SEMA3A: variants seen among roughly 807,000 people sequenced by gnomAD.
The protein encoded by SEMA3A is semaphorin 3A.
A neutral mutation model predicts 97.9 loss-of-function variants in SEMA3A; 29 were observed. That is an observed-to-expected ratio of 0.30 (90% confidence interval 0.22 to 0.40). The LOEUF is 0.40. SEMA3A is among the 10% of genes least tolerant of loss of function. The pLI is 1.00. For synonymous variants in SEMA3A, 321 were observed against 323.7 expected (o/e 0.99, Z 0.09); for missense variants, 763 against 951.3 (o/e 0.80, Z 2.60).
In SEMA3A at chr7:84,190,930, T is replaced by A. The variant is rs1798018647; in HGVS notation, c.112+3545A>T. 2.8e-5 allele frequency among the ~76,000 whole-genome samples: 4 copies of A among 144,002 alleles called. No individual in the cohort carries two copies. In the Admixed American group the frequency reaches 2.8e-4, roughly 10 times the overall value. The allele number at this position is 144,002 out of a possible 152,430, so 94.5% of individuals were successfully genotyped here. On this transcript the variant is annotated intron_variant, in intron 1 of 16. Coordinates refer to ENST00000265362, the MANE Select transcript of SEMA3A (RefSeq NM_006080.3). ...TGTATTGAAATATATGGTATATGTA[T>A]ACCTATGTGTACACATAAATGTATT...
chr7:83,971,819 T>G (rs185263449), intron 15 of SEMA3A, among the ~76,000 whole-genome samples: 4 of 152,326 alleles, frequency 2.6e-5, no homozygotes, highest in Non-Finnish European at 4.4e-5. Context: ...CTGGCTAAAA[T>G]TTTAATTTTA....
chr7:84,194,104 T>A (rs13234305), intron 1 of SEMA3A, among the ~76,000 whole-genome samples: 9,568 of 152,178 alleles, frequency 0.063, 351 homozygotes, highest in African/African-American at 0.092. Context: ...AGGTAAGGCA[T>A]GCACATCTAC....
At chr7:84,069,639 C>T (rs556940995) in intron 4 of SEMA3A, among the ~76,000 whole-genome samples, 156 of 152,106 alleles carry the variant, frequency 1.0e-3, no homozygotes, top group African/African-American at 3.5e-3. Context: ...AGAAAAAGTA[C>T]ATTATTTTTC....
chr7:83,990,395 T>C (rs1248392382), intron 12 of SEMA3A, among the ~76,000 whole-genome samples: 132 of 150,844 alleles, frequency 8.8e-4, no homozygotes, highest in Non-Finnish European at 1.5e-3. Flanking sequence ...TCCTTGCCCA[T>C]GCCTATGTCC....
At chr7:84,140,599 C>T (rs893842499) in intron 1 of SEMA3A, among the ~76,000 whole-genome samples, 6 of 152,092 alleles carry the variant, frequency 3.9e-5, no homozygotes, top group African/African-American at 1.4e-4. Context: ...TCAAAGAACC[C>T]ATTGAAGTAG....
At chr7:84,101,856 G>C (rs893329955) in intron 4 of SEMA3A, among the ~76,000 whole-genome samples, 1 of 151,792 alleles carries the variant, frequency 6.6e-6, no homozygotes, top group Non-Finnish European at 1.5e-5. Context: ...ATTTAGTTGA[G>C]CTCTAAGTCT....
chr7:84,182,389 G>A (rs908005122), intron 1 of SEMA3A, among the ~76,000 whole-genome samples: 7 of 152,106 alleles, frequency 4.6e-5, no homozygotes, highest in Admixed American at 3.9e-4. Flanking sequence ...AGGATATGTT[G>A]TAAGTACAGA....
chr7:84,374,954 C>T (rs1803061427), intron 1 of SEMA3A, among the ~76,000 whole-genome samples: 1 of 152,088 alleles, frequency 6.6e-6, no homozygotes, highest in Non-Finnish European at 1.5e-5. Context: ...AGGGAGGAGA[C>T]GTGTATGTTT....
intron 1 of SEMA3A, among the ~76,000 whole-genome samples, chr7:84,159,570 A>G (rs1204328848): frequency 6.6e-6 from 1 of 152,166 alleles, no homozygotes; most frequent in East Asian, 1.9e-4. Flanking sequence ...CTTCCAAGAG[A>G]GCTAACATAG....
intron 12 of SEMA3A, among the ~76,000 whole-genome samples, chr7:83,991,661 G>A (rs1789944379): frequency 6.6e-6 from 1 of 151,818 alleles, no homozygotes. Flanking sequence ...TGCATCCCAG[G>A]GATGAAGCCC....
chr7:84,055,914 T>G lies in SEMA3A; in HGVS notation c.547+4551A>C, dbSNP rs142663419. ...TATACTAAGCCAATTGTGAAAGAAA[T>G]AAACATTTGTCCAATTTTATTAAAT... On this transcript the variant is annotated intron_variant, in intron 5 of 16. Transcript: ENST00000265362. 9.8e-5 allele frequency among the ~76,000 whole-genome samples: 15 copies of G among 152,292 alleles called. No individual in the cohort carries two copies. In the East Asian group the frequency reaches 2.5e-3, roughly 25 times the overall value.
chr7:84,086,744 AT>A (rs1562770548), intron 4 of SEMA3A, among the ~76,000 whole-genome samples: 1 of 149,796 alleles, frequency 6.7e-6, no homozygotes, highest in African/African-American at 2.5e-5. Context: ...GTATATATAT[AT>A]TTTTTTCCAC....
At chr7:84,203,526 A>ATATATATATATATTTTTTTTTTT (rs372380784) in intron 3 of SEMA3A, among the ~76,000 whole-genome samples, 1 of 25,658 alleles carries the variant, frequency 3.9e-5, no homozygotes, top group East Asian at 1.5e-3. Flanking sequence ...ATATATATAT[A>ATATATATATATATTTTTTTTTTT]TTTTTTTTTT....
intron 1 of SEMA3A, among the ~76,000 whole-genome samples, chr7:84,413,923 T>C (rs1053595251): frequency 6.6e-6 from 1 of 152,080 alleles, no homozygotes; most frequent in Non-Finnish European, 1.5e-5. Flanking sequence ...CTCAAAGCAG[T>C]CCTATGCATC....
chr7:83,983,238 T>C (rs1461911043), intron 13 of SEMA3A, among the ~76,000 whole-genome samples: 1 of 149,542 alleles, frequency 6.7e-6, no homozygotes, highest in Non-Finnish European at 1.5e-5. Context: ...TCTTTCTTTC[T>C]TTTCTTTCTC....
Position 84,229,962 on chromosome 7 carries a change from G to C in SEMA3A, c.-82-35294C>G, listed in dbSNP as rs1032522245. Among the ~76,000 whole-genome samples the C allele has an allele frequency of 8.6e-5, 13 of 151,752 alleles. No individual in the cohort carries two copies. The East Asian group carries it at 2.5e-3, about 29-fold the overall frequency. On this transcript the variant is annotated intron_variant, in intron 3 of 3. Coordinates refer to the SEMA3A transcript ENST00000424555. The stretch of plus-strand genomic sequence containing the variant: ...CCTTCTCAGACGACAAATTAACTGG[G>C]ACTGGCTCTGATCTTACCCCCCCTT...
intron 1 of SEMA3A, among the ~76,000 whole-genome samples, chr7:84,465,282 T>C (rs944222934): frequency 4.6e-5 from 7 of 152,146 alleles, no homozygotes; most frequent in African/African-American, 1.4e-4. Context: ...ATTGACTATA[T>C]TGGCAAAGAT....
Position 84,425,154 on chromosome 7 carries a change from A to G in SEMA3A, c.-245-53254T>C, listed in dbSNP as rs1331615711. Among the ~76,000 whole-genome samples, 5 of 111,092 alleles carry G rather than the reference A, an allele frequency of 4.5e-5. No homozygotes were observed. The South Asian group carries it at 1.3e-3, about 29-fold the overall frequency. The allele number at this position is 111,092 out of a possible 152,430, so 72.9% of individuals were successfully genotyped here. On this transcript the variant is annotated intron_variant, in intron 1 of 3. Coordinates refer to the SEMA3A transcript ENST00000424555. The stretch of plus-strand genomic sequence containing the variant: ...ATATATAAATATTATATATATTTAT[A>G]TATTATAAATATTAAATATATTATA...
rs143791218 is a variant in SEMA3A, at chr7:84,060,492, T to C, written c.520A>G (p.Lys174Glu). Reference sequence around the variant, plus strand: ...ATTAAAAGGGATGCTGTCAGCAGCTTAGGGTCATATGGACTCTTCCCACGG... The same window carrying C: ...ATTAAAAGGGATGCTGTCAGCAGCTCAGGGTCATATGGACTCTTCCCACGG... ...NGRGKSPYDP[K>E]LLTASLLIDG... Residue 174 changes from lysine (K) to glutamate (E), a missense_variant, in exon 5 of 17, where the codon AAG (lysine) becomes GAG (glutamate). Transcript: ENST00000265362. The C allele has an allele frequency of 5.6e-6, 9 of 1,595,694 alleles. No homozygotes were observed. The highest frequency in any genetic ancestry group is 7.7e-6 in the Non-Finnish European group (9 of 1,173,216).
Sources: gnomAD v4.1 joint callset for allele counts (sites outside exome capture counted in the v4.1 genomes callset) on GRCh38, gnomAD v4.1.1 for gene constraint, MANE v1.5 for transcripts, NCBI Gene and HGNC (gene_info 2026-07-23, HGNC 2026-07-21) for gene names.